The following PARVA variants were observed in gnomAD, a reference collection of about 807,000 sequenced individuals.
PARVA encodes alpha-parvin.
Under a neutral mutation model 52.6 loss-of-function variants are expected in PARVA, and 25 were observed. The observed-to-expected ratio is 0.48, with a 90% CI of 0.35 to 0.66. The LOEUF (loss-of-function observed/expected upper bound fraction) is 0.66. Ranked by LOEUF, PARVA falls within the 30% of genes least tolerant of loss-of-function variation. The pLI, the probability that PARVA is intolerant of heterozygous loss-of-function variation, is 0.01. For missense variants in PARVA, 373 were observed against 450.9 expected (o/e 0.83, Z 1.56); for synonymous variants, 185 against 179.1 (o/e 1.03, Z -0.26).
chr11:12,434,302 A>C (rs1940357070), intron 1 of PARVA, among the ~76,000 whole-genome samples: 1 of 152,190 alleles, frequency 6.6e-6, no homozygotes, highest in African/African-American at 2.4e-5. Flanking sequence ...TTGCAGCCTG[A>C]GAAGTGTGGA....
At chr11:12,519,352 G>A (rs535944099) in intron 12 of PARVA, among the ~76,000 whole-genome samples, 2 of 152,278 alleles carry the variant, frequency 1.3e-5, no homozygotes, top group East Asian at 3.9e-4. Flanking sequence ...CACCTAGTGG[G>A]GGCCATGCCC....
intron 1 of PARVA, among the ~76,000 whole-genome samples, chr11:12,472,047 CTA>C (rs2135034420): frequency 6.6e-6 from 1 of 152,282 alleles, no homozygotes; most frequent in South Asian, 2.1e-4. Context: ...TTAGAAGAAA[CTA>C]TAGAATTTTA....
intron 4 of PARVA, among the ~76,000 whole-genome samples, chr11:12,486,117 G>C (rs1231699972): frequency 6.6e-6 from 1 of 152,224 alleles, no homozygotes; most frequent in Non-Finnish European, 1.5e-5. Context: ...TGTGACATAT[G>C]TACGATAGTA....
chr11:12,514,690 T>C (rs896889128), intron 10 of PARVA, among the ~76,000 whole-genome samples: 2 of 152,204 alleles, frequency 1.3e-5, no homozygotes. Context: ...TTTCACCATG[T>C]TGGTCAGGCT....
At chr11:12,378,445 C>G (rs1273450878) in intron 1 of PARVA, among the ~76,000 whole-genome samples, 1 of 152,138 alleles carries the variant, frequency 6.6e-6, no homozygotes, top group Non-Finnish European at 1.5e-5. Context: ...ACACAATAAA[C>G]TCCCACCAAA....
At chr11:12,448,005 AAC>A (rs1940570952) in intron 1 of PARVA, among the ~76,000 whole-genome samples, 1 of 152,194 alleles carries the variant, frequency 6.6e-6, no homozygotes, top group Non-Finnish European at 1.5e-5. Context: ...GTACAAAATA[AAC>A]CTTCAGCATT....
chr11:12,478,269 C>T, intron 4 of PARVA: 1 of 402,776 alleles, frequency 2.5e-6, no homozygotes, highest in East Asian at 5.9e-5. Flanking sequence ...AAAAGCATGC[C>T]TGTGTGGCCT....
At chr11:12,419,543 A>G (rs1940117717) in intron 1 of PARVA, among the ~76,000 whole-genome samples, 2 of 152,202 alleles carry the variant, frequency 1.3e-5, no homozygotes, top group South Asian at 4.1e-4. Context: ...AGTTGCTTCC[A>G]TCTTTTGACT....
chr11:12,477,537 C>T (rs1246528851), intron 3 of PARVA, among the ~76,000 whole-genome samples: 1 of 152,154 alleles, frequency 6.6e-6, no homozygotes, highest in Non-Finnish European at 1.5e-5. Context: ...CTCACACTTA[C>T]AGCTACCTGT....
chr11:12,449,270 C>A (rs940356159), intron 1 of PARVA, among the ~76,000 whole-genome samples: 7 of 152,096 alleles, frequency 4.6e-5, no homozygotes, highest in Non-Finnish European at 8.8e-5. Flanking sequence ...TCTCCCGCCT[C>A]AGCCTCCCTC....
intron 1 of PARVA, among the ~76,000 whole-genome samples, chr11:12,461,113 G>C (rs555112444): frequency 6.6e-6 from 1 of 152,272 alleles, no homozygotes; most frequent in African/African-American, 2.4e-5. Flanking sequence ...GGCCAACAAG[G>C]TGGCTGCCCT....
At chr11:12,490,515 T>C (rs1941221477) in intron 4 of PARVA, among the ~76,000 whole-genome samples, 2 of 62,318 alleles carry the variant, frequency 3.2e-5, no homozygotes, top group Non-Finnish European at 5.4e-5. Flanking sequence ...AGACTATGTC[T>C]CAAAAAAAAA....
chr11:12,447,221 T>G (rs1019091705), intron 1 of PARVA, among the ~76,000 whole-genome samples: 8 of 152,200 alleles, frequency 5.3e-5, no homozygotes, highest in African/African-American at 1.7e-4. Context: ...GTATAATCTC[T>G]AGTGTATTTT....
At chr11:12,513,130 C>G in intron 8 of PARVA, 169 bp from the exon 9 acceptor site, 1 of 728,422 alleles carries the variant, frequency 1.4e-6, no homozygotes, top group Non-Finnish European at 2.5e-6. Flanking sequence ...CACCCCAAAT[C>G]TTAGCCCCAA....
chr11:12,508,099 TAAAAAAAA>T (rs35314523), intron 6 of PARVA, among the ~76,000 whole-genome samples: 4 of 91,796 alleles, frequency 4.4e-5, no homozygotes, highest in Non-Finnish European at 6.1e-5. Context: ...ATTTATCAGT[TAAAAAAAA>T]AAAAAAAAAA....
At chr11:12,442,639 G>T (rs968431990) in intron 1 of PARVA, among the ~76,000 whole-genome samples, 4 of 151,906 alleles carry the variant, frequency 2.6e-5, no homozygotes, top group African/African-American at 9.7e-5. Flanking sequence ...AAGCTCTTAG[G>T]GGTGCAGCCT....
intron 6 of PARVA, among the ~76,000 whole-genome samples, chr11:12,506,830 G>A (rs1941436691): frequency 6.6e-6 from 1 of 152,206 alleles, no homozygotes; most frequent in East Asian, 1.9e-4. Flanking sequence ...ATGGGTGGAG[G>A]TGAATCAGGA....
At chr11:12,490,235 T>G (rs1473487534) in intron 4 of PARVA, among the ~76,000 whole-genome samples, 7 of 111,908 alleles carry the variant, frequency 6.3e-5, no homozygotes, top group African/African-American at 2.2e-4. Flanking sequence ...AAAAAAAAGT[T>G]AGGAGAGGCG....
chr11:12,407,239 G>T (rs1309741070), intron 1 of PARVA, among the ~76,000 whole-genome samples: 8 of 152,056 alleles, frequency 5.3e-5, no homozygotes, highest in Admixed American at 5.2e-4. Flanking sequence ...ATTAGCATCT[G>T]GAAATATCAA....
Sources: allele counts gnomAD v4.1 joint callset (sites outside exome capture counted in the v4.1 genomes callset), GRCh38; gene constraint gnomAD v4.1.1; transcripts MANE v1.5; gene names NCBI Gene and HGNC (gene_info 2026-07-23, HGNC 2026-07-21).